CDYL: variants seen among roughly 807,000 people sequenced by gnomAD.
CDYL encodes chromodomain Y-like protein.
Under a neutral mutation model 47.3 loss-of-function variants are expected in CDYL, and 8 were observed. The observed-to-expected ratio is 0.17, with a 90% CI of 0.10 to 0.31. CDYL has a LOEUF of 0.31. Among genes scored for constraint, CDYL ranks in the 10% least tolerant of loss-of-function variants. The pLI is 1.00. For missense variants in CDYL, 471 were observed against 701.4 expected, an observed-to-expected ratio of 0.67 and a Z score of 3.71; for synonymous variants, 266 against 265.0, an observed-to-expected ratio of 1.00 and a Z score of -0.04.
At chr6:4,790,146 TA>T (rs1159532417) in intron 1 of CDYL, among the ~76,000 whole-genome samples, 5 of 152,262 alleles carry the variant, frequency 3.3e-5, no homozygotes, top group African/African-American at 1.2e-4. Flanking sequence ...ATATATGCTG[TA>T]TTAGCAAGAA....
At chr6:4,802,553 C>A (rs186361282) in intron 1 of CDYL, among the ~76,000 whole-genome samples, 1 of 151,924 alleles carries the variant, frequency 6.6e-6, no homozygotes, top group Non-Finnish European at 1.5e-5. Context: ...AAACAAAAAA[C>A]AGTTATTATA....
At chr6:4,944,476 G>A (rs1758453903) in intron 5 of CDYL, among the ~76,000 whole-genome samples, 1 of 152,204 alleles carries the variant, frequency 6.6e-6, no homozygotes, top group Non-Finnish European at 1.5e-5. Flanking sequence ...ACAGCTGAGG[G>A]CATCCCTAAA....
At chr6:4,813,014 A>G (rs1056141475) in intron 1 of CDYL, among the ~76,000 whole-genome samples, 4 of 152,158 alleles carry the variant, frequency 2.6e-5, no homozygotes, top group African/African-American at 4.8e-5. Context: ...TTTCTAATTG[A>G]TTGCCGTTGT....
chr6:4,896,255 C>CA (rs1223796628), intron 2 of CDYL, among the ~76,000 whole-genome samples: 4 of 152,250 alleles, frequency 2.6e-5, no homozygotes, highest in Non-Finnish European at 5.9e-5. Context: ...GAGCCCCTGA[C>CA]AGCAGGCCTC....
chr6:4,871,171 C>A (rs1761462135), intron 1 of CDYL, among the ~76,000 whole-genome samples: 1 of 152,142 alleles, frequency 6.6e-6, no homozygotes, highest in South Asian at 2.1e-4. Flanking sequence ...GAATTTTGTT[C>A]TCTTCATCAC....
In CDYL at chr6:4,707,567, C is replaced by T. The variant is rs181702951; in HGVS notation, c.-39+1316C>T. On this transcript the variant is annotated intron_variant, in intron 1 of 8. Coordinates refer to the CDYL transcript ENST00000328908. Reference sequence around the variant, plus strand: ...GATTACAGGCGTGAGCCACAGCCCCCGGCTGTCTGTTAAACTGTTTACTGT... The same window carrying T: ...GATTACAGGCGTGAGCCACAGCCCCTGGCTGTCTGTTAAACTGTTTACTGT... Among the ~76,000 whole-genome samples the T allele has an allele frequency of 5.9e-5, 9 of 152,308 alleles. No homozygotes were observed. In the East Asian group the frequency reaches 7.7e-4, roughly 13 times the overall value.
At chr6:4,750,960 C>A (rs1158623123) in intron 3 of CDYL, among the ~76,000 whole-genome samples, 1 of 151,384 alleles carries the variant, frequency 6.6e-6, no homozygotes, top group African/African-American at 2.4e-5. Context: ...TCACGCCATT[C>A]TCCTGCCTCA....
chr6:4,910,048 A>C (rs1327934970), intron 2 of CDYL, among the ~76,000 whole-genome samples: 2 of 146,074 alleles, frequency 1.4e-5, no homozygotes, highest in Non-Finnish European at 3.0e-5. Flanking sequence ...TTTTTTTTTT[A>C]ATCTGGTTGA....
chr6:4,773,208 T>C (rs917589133), upstream of CDYL: 1 of 457,270 alleles, frequency 2.2e-6, no homozygotes, highest in African/African-American at 2.0e-5. This position sits in a 1 kb window ranked among gnomAD's most constrained non-coding sequence, Gnocchi z 4.6. Context: ...GGTAGACGTG[T>C]CTTTTAATCA....
intron 1 of CDYL, among the ~76,000 whole-genome samples, chr6:4,874,301 G>A (rs1033354801): frequency 6.6e-6 from 1 of 152,000 alleles, no homozygotes; most frequent in African/African-American, 2.4e-5. Flanking sequence ...TTTACAGCTT[G>A]TCAGTTTTAT....
chr6:4,908,206 C>T (rs1434126889), intron 2 of CDYL, among the ~76,000 whole-genome samples: 1 of 152,176 alleles, frequency 6.6e-6, no homozygotes, highest in African/African-American at 2.4e-5. Context: ...TGTGGTCCCT[C>T]AGTGATTGTC....
At chr6:4,950,018 C>T (rs748821558) in intron 5 of CDYL, among the ~76,000 whole-genome samples, 6 of 151,988 alleles carry the variant, frequency 3.9e-5, no homozygotes, top group Admixed American at 6.6e-5. Flanking sequence ...CTGGAGCCGG[C>T]GGGGCTGTGG....
At chr6:4,952,203 GAT>G in intron 5 of CDYL, 61 bp from the exon 6 acceptor site, 1 of 1,563,052 alleles carries the variant, frequency 6.4e-7, no homozygotes. Context: ...GATTTTAAGG[GAT>G]GGGTCTTCCC....
intron 1 of CDYL, among the ~76,000 whole-genome samples, chr6:4,792,184 A>G (rs1758943851): frequency 6.6e-6 from 1 of 151,028 alleles, no homozygotes; most frequent in African/African-American, 2.4e-5. Context: ...GAGCCACTGC[A>G]TCTGGCCAGG....
At chr6:4,751,628 T>C (rs1026018132) in intron 3 of CDYL, among the ~76,000 whole-genome samples, 1 of 152,168 alleles carries the variant, frequency 6.6e-6, no homozygotes, top group African/African-American at 2.4e-5. Context: ...TAGATTCCCA[T>C]AATACATCCC....
chr6:4,834,943 C>G (rs1209092170), intron 1 of CDYL, among the ~76,000 whole-genome samples: 3 of 152,136 alleles, frequency 2.0e-5, no homozygotes, highest in African/African-American at 7.2e-5. Flanking sequence ...TTAAGCACTT[C>G]TCTGTATTGG....
At chr6:4,854,495 A>T (rs1760947178) in intron 1 of CDYL, among the ~76,000 whole-genome samples, 2 of 152,206 alleles carry the variant, frequency 1.3e-5, no homozygotes, top group Non-Finnish European at 2.9e-5. Context: ...GCGCTTGGTC[A>T]CCTGGGAGCT....
chr6:4,951,046 C>T (rs1182914870), intron 5 of CDYL, among the ~76,000 whole-genome samples: 1 of 152,188 alleles, frequency 6.6e-6, no homozygotes, highest in African/African-American at 2.4e-5. Flanking sequence ...GCTTTGCCGC[C>T]TCTGCCTGTG....
In CDYL at chr6:4,776,816, C is replaced by T; in HGVS notation, c.24+9C>T. 9.5e-7 allele frequency: 1 copy of T among 1,057,888 alleles called. No individual in the cohort carries two copies. 65.5% of individuals were successfully genotyped at this position (1,057,888 alleles called of 1,614,324 possible). A position where few individuals can be genotyped will look rare whatever the true frequency, so the allele number is the denominator to read the frequency against. On this transcript the variant is annotated intron_variant, in intron 1 of 6. Transcript: ENST00000397588. ...CCGAGGAGCTGTACGAGGTACCTCC[C>T]CTCCCCCCGGCCTCGGGCCGCCCCC...
Sources: gnomAD v4.1 joint callset for allele counts (sites outside exome capture counted in the v4.1 genomes callset) on GRCh38, gnomAD v4.1.1 for gene constraint, Gnocchi (gnomAD v3.1) non-coding constraint, MANE v1.5 for transcripts, NCBI Gene and HGNC (gene_info 2026-07-23, HGNC 2026-07-21) for gene names.